GRID2: variants seen among roughly 807,000 people sequenced by gnomAD.
The protein encoded by GRID2 is glutamate ionotropic receptor delta type subunit 2.
Under a neutral mutation model 114.8 loss-of-function variants are expected in GRID2, and 33 were observed. The observed-to-expected ratio is 0.29, with a 90% CI of 0.22 to 0.38. The LOEUF (loss-of-function observed/expected upper bound fraction) is 0.38. GRID2 is among the 10% of genes least tolerant of loss of function. GRID2 has a pLI of 1.00. For missense variants in GRID2, 1,184 were observed against 1,257.7 expected (o/e 0.94, Z 0.89); for synonymous variants, 505 against 449.9 (o/e 1.12, Z -1.55).
intron 8 of GRID2, among the ~76,000 whole-genome samples, chr4:93,273,251 T>C (rs951905841): frequency 6.6e-6 from 1 of 152,216 alleles, no homozygotes; most frequent in African/African-American, 2.4e-5. Flanking sequence ...AAATTACATA[T>C]GAATGAATAG....
intron 1 of GRID2, among the ~76,000 whole-genome samples, chr4:92,482,310 A>G (rs1381369334): frequency 6.6e-6 from 1 of 151,766 alleles, no homozygotes; most frequent in Non-Finnish European, 1.5e-5. Context: ...AGCAATAGAC[A>G]CTGTGGACTA....
Position 93,637,015 on chromosome 4 carries a change from C to G in GRID2, c.2360+10580C>G, listed in dbSNP as rs189620159. On this transcript the variant is annotated intron_variant, in intron 14 of 15. Coordinates refer to ENST00000282020, the MANE Select transcript of GRID2 (RefSeq NM_001510.4). ...TATGTTTTCACAAACATAGTCATGTCAATATATTACATAAAAGAGCAGGAA... is the reference window on the plus strand; with the variant it reads ...TATGTTTTCACAAACATAGTCATGTGAATATATTACATAAAAGAGCAGGAA... 6.0e-3 allele frequency among the ~76,000 whole-genome samples: 912 copies of G among 152,156 alleles called. 11 individuals carry two copies. The highest frequency in any genetic ancestry group is 0.021 in the African/African-American group (865 of 41,510).
At chr4:92,810,767 T>C (rs1740629351) in intron 2 of GRID2, among the ~76,000 whole-genome samples, 1 of 152,084 alleles carries the variant, frequency 6.6e-6, no homozygotes, top group South Asian at 2.1e-4. Context: ...GCTTGCTGTT[T>C]TCTTAAATTT....
chr4:93,023,032 C>T (rs1723531045), intron 2 of GRID2, among the ~76,000 whole-genome samples: 1 of 151,446 alleles, frequency 6.6e-6, no homozygotes, highest in South Asian at 2.1e-4. Context: ...AATAGTGAAC[C>T]AGTGCCATTG....
At chr4:92,542,709 T>A (rs765483496) in intron 1 of GRID2, among the ~76,000 whole-genome samples, 75 of 151,156 alleles carry the variant, frequency 5.0e-4, no homozygotes, top group Non-Finnish European at 7.4e-4. Context: ...GTGAACCAAA[T>A]CTCAGAAATC....
chr4:92,652,598 C>T (rs1731996479), intron 2 of GRID2, among the ~76,000 whole-genome samples: 1 of 149,540 alleles, frequency 6.7e-6, no homozygotes, highest in Non-Finnish European at 1.5e-5. Flanking sequence ...AAGAGGATTG[C>T]TTGAGCCTGG....
chr4:92,960,546 C>T (rs553193172), intron 2 of GRID2, among the ~76,000 whole-genome samples: 8 of 151,936 alleles, frequency 5.3e-5, no homozygotes, highest in South Asian at 4.1e-4. Context: ...CTTGCTCTGA[C>T]GTCGGCTCTG....
chr4:93,071,403 A>G (rs1728791613), intron 2 of GRID2, among the ~76,000 whole-genome samples: 1 of 152,126 alleles, frequency 6.6e-6, no homozygotes, highest in Admixed American at 6.6e-5. Flanking sequence ...TGAGCAAAAC[A>G]CATAAAGCTC....
intron 13 of GRID2, among the ~76,000 whole-genome samples, chr4:93,561,796 A>T (rs1734952043): frequency 1.3e-5 from 2 of 152,094 alleles, no homozygotes; most frequent in Admixed American, 6.6e-5. Context: ...GCCTCTTGGG[A>T]TTGGCTTCTT....
chr4:92,748,580 T>G (rs1205342406), intron 2 of GRID2, among the ~76,000 whole-genome samples: 3 of 151,768 alleles, frequency 2.0e-5, no homozygotes, highest in African/African-American at 7.3e-5. Context: ...GCACAAGTCT[T>G]GAGGTTCACC....
chr4:92,844,908 TAATG>T (rs1163426109), intron 2 of GRID2, among the ~76,000 whole-genome samples: 1 of 152,088 alleles, frequency 6.6e-6, no homozygotes, highest in Non-Finnish European at 1.5e-5. Flanking sequence ...AGGACATTCT[TAATG>T]AAACTGGATT....
intron 1 of GRID2, among the ~76,000 whole-genome samples, chr4:92,399,522 CA>C: frequency 6.6e-6 from 1 of 152,046 alleles, no homozygotes; most frequent in Non-Finnish European, 1.5e-5. Context: ...TATTCGCTGA[CA>C]AATATTATTT....
intron 1 of GRID2, among the ~76,000 whole-genome samples, chr4:92,370,836 A>G (rs1017960161): frequency 1.3e-5 from 2 of 152,184 alleles, no homozygotes; most frequent in African/African-American, 4.8e-5. Flanking sequence ...GATGGTTACC[A>G]AAGGGTGGGC....
intron 8 of GRID2, among the ~76,000 whole-genome samples, chr4:93,348,916 A>ATT (rs1267090526): frequency 5.3e-5 from 8 of 152,194 alleles, no homozygotes; most frequent in Admixed American, 6.6e-5. Flanking sequence ...AATGGACAAT[A>ATT]ATGGGTACTC....
intron 2 of GRID2, among the ~76,000 whole-genome samples, chr4:93,020,830 C>T (rs1293258672): frequency 6.6e-6 from 1 of 151,894 alleles, no homozygotes. Context: ...TTCAGGAGTT[C>T]GAGACCAGCC....
At chr4:93,605,097 G>T (rs1014095303) in intron 13 of GRID2, among the ~76,000 whole-genome samples, 1 of 152,166 alleles carries the variant, frequency 6.6e-6, no homozygotes, top group African/African-American at 2.4e-5. Flanking sequence ...TGCCAAAAAT[G>T]ACTGTTCTTG....
At chr4:92,697,350 A>T (rs1229629591) in intron 2 of GRID2, among the ~76,000 whole-genome samples, 1 of 152,184 alleles carries the variant, frequency 6.6e-6, no homozygotes, top group Non-Finnish European at 1.5e-5. Flanking sequence ...GTACAAAAGT[A>T]CAAGGGGTTA....
chr4:92,754,464 A>C (rs1240653691), intron 2 of GRID2, among the ~76,000 whole-genome samples: 1 of 152,078 alleles, frequency 6.6e-6, no homozygotes, highest in African/African-American at 2.4e-5. Flanking sequence ...CTAGGTTCAA[A>C]CCCAAATCTT....
At chr4:93,116,373 A>G (rs1338640323) in intron 4 of GRID2, among the ~76,000 whole-genome samples, 1 of 152,210 alleles carries the variant, frequency 6.6e-6, no homozygotes, top group African/African-American at 2.4e-5. Context: ...TAAGATGAAA[A>G]TCTGTAATTT....
Sources: allele counts gnomAD v4.1 joint callset (sites outside exome capture counted in the v4.1 genomes callset), GRCh38; gene constraint gnomAD v4.1.1; transcripts MANE v1.5; gene names NCBI Gene and HGNC (gene_info 2026-07-23, HGNC 2026-07-21).